SHANK2: variants seen among roughly 807,000 people sequenced by gnomAD.
SHANK2 encodes SH3 and multiple ankyrin repeat domains 2.
SHANK2 carries 43 observed loss-of-function variants against 133.7 expected under a neutral mutation model. The ratio of observed to expected loss-of-function variants is 0.32; its 90% CI spans 0.25 to 0.41. The LOEUF (loss-of-function observed/expected upper bound fraction) is 0.41, where lower values mean the gene tolerates loss of function less well. Ranked by LOEUF, SHANK2 falls within the 10% of genes least tolerant of loss-of-function variation. SHANK2 has a pLI of 1.00. For missense variants in SHANK2, 1,994 were observed against 2,235.8 expected (o/e 0.89, Z 2.18); for synonymous variants, 1,017 against 952.8 (o/e 1.07, Z -1.24).
At chr11:70,772,955 G>A (rs1332957789) in intron 14 of SHANK2, among the ~76,000 whole-genome samples, 2 of 152,140 alleles carry the variant, frequency 1.3e-5, no homozygotes, top group African/African-American at 4.8e-5. Flanking sequence ...TTATTAATCT[G>A]CCTGCTGTCA....
intron 8 of SHANK2, among the ~76,000 whole-genome samples, chr11:71,085,519 T>C (rs1951368025): frequency 8.9e-6 from 1 of 112,484 alleles, no homozygotes; most frequent in Non-Finnish European, 1.7e-5. Flanking sequence ...ATATTATATA[T>C]GCTATATATT....
chr11:71,157,129 T>TAC (rs1321884297), intron 2 of SHANK2, among the ~76,000 whole-genome samples: 110 of 152,154 alleles, frequency 7.2e-4, no homozygotes, highest in African/African-American at 2.6e-3. Context: ...TATATATATA[T>TAC]ATACACACAC....
intron 14 of SHANK2, among the ~76,000 whole-genome samples, chr11:70,759,649 G>C (rs1243343368): frequency 1.3e-5 from 2 of 152,170 alleles, no homozygotes; most frequent in African/African-American, 4.8e-5. Flanking sequence ...GGCAATAAGA[G>C]ACTGGATTGT....
At chr11:70,623,847 A>G (rs1305408211) in intron 17 of SHANK2, among the ~76,000 whole-genome samples, 3 of 152,130 alleles carry the variant, frequency 2.0e-5, no homozygotes, top group Non-Finnish European at 4.4e-5. Flanking sequence ...AAGGAGAGAG[A>G]ATTCAGGGCT....
intron 12 of SHANK2, among the ~76,000 whole-genome samples, chr11:70,819,869 G>A (rs189295206): frequency 1.1e-4 from 16 of 152,222 alleles, no homozygotes; most frequent in African/African-American, 3.1e-4. Context: ...CGGCCTCTCC[G>A]GCCCCCAGCA....
intron 17 of SHANK2, among the ~76,000 whole-genome samples, chr11:70,557,317 T>A (rs1036019849): frequency 6.6e-6 from 1 of 152,060 alleles, no homozygotes; most frequent in Non-Finnish European, 1.5e-5. Context: ...AAACAGATGA[T>A]CACATGTGAG....
intron 11 of SHANK2, among the ~76,000 whole-genome samples, chr11:70,836,661 G>C (rs1392800531): frequency 2.0e-5 from 3 of 152,200 alleles, no homozygotes; most frequent in Non-Finnish European, 4.4e-5. Flanking sequence ...CACACAGAAA[G>C]AACCACTGCA....
chr11:71,167,396 G>A (rs868943641), intron 2 of SHANK2, among the ~76,000 whole-genome samples: 4,759 of 142,658 alleles, frequency 0.033, 61 homozygotes, highest in African/African-American at 0.075. Context: ...CGGACAGGGC[G>A]GCTGGCCGGG....
intron 11 of SHANK2, chr11:70,864,791 TG>T (rs1949326949): frequency 1.3e-5 from 2 of 152,314 alleles, no homozygotes; most frequent in South Asian, 4.1e-4. Flanking sequence ...TTTGGGAGGC[TG>T]AGGTGGGAGG....
intron 14 of SHANK2, chr11:70,705,776 A>G (rs1315291514): frequency 6.6e-6 from 1 of 152,268 alleles, no homozygotes; most frequent in Non-Finnish European, 1.5e-5. Flanking sequence ...GTAGTGCTCC[A>G]CATACATGGA....
intron 11 of SHANK2, among the ~76,000 whole-genome samples, chr11:70,837,975 C>CAAAAA (rs55862093): frequency 7.9e-4 from 20 of 25,172 alleles, no homozygotes; most frequent in South Asian, 2.1e-3. Flanking sequence ...CATTCTGTCT[C>CAAAAA]AAAAAAAAAA....
At chr11:70,760,762 G>A (rs892849023) in intron 14 of SHANK2, among the ~76,000 whole-genome samples, 1 of 152,236 alleles carries the variant, frequency 6.6e-6, no homozygotes, top group Admixed American at 6.5e-5. Flanking sequence ...GCTTCCAGCT[G>A]AAGGCAGTTG....
chr11:70,580,172 C>T (rs1037755134), intron 17 of SHANK2, among the ~76,000 whole-genome samples: 1 of 152,234 alleles, frequency 6.6e-6, no homozygotes, highest in Non-Finnish European at 1.5e-5. Context: ...AAGCCGTGGA[C>T]ATCCACCAGG....
At chr11:70,574,373 G>C (rs977896357) in intron 17 of SHANK2, among the ~76,000 whole-genome samples, 1 of 152,256 alleles carries the variant, frequency 6.6e-6, no homozygotes, top group Non-Finnish European at 1.5e-5. Flanking sequence ...ATCAGGGTAG[G>C]GGGTGGGGGT....
chr11:70,801,349 C>T lies in SHANK2; in HGVS notation c.1664-2793G>A, dbSNP rs537636678. 7.2e-5 allele frequency among the ~76,000 whole-genome samples: 11 copies of T among 152,232 alleles called. No individual in the cohort carries two copies. In the South Asian group the frequency reaches 8.3e-4, roughly 11 times the overall value. On this transcript the variant is annotated intron_variant, in intron 13 of 25. Coordinates refer to ENST00000601538, the MANE Select transcript of SHANK2 (RefSeq NM_012309.5). ...ACACGGGGAGCCTTCATGTCAGGGG[C>T]GTAAAAAGAGCAGGACGTGTGCCGA...
At chr11:70,660,088 C>G in intron 16 of SHANK2, 136 bp from the exon 17 acceptor site, 1 of 1,090,866 alleles carries the variant, frequency 9.2e-7, no homozygotes, top group Non-Finnish European at 1.4e-6. Context: ...CAGGCCAACT[C>G]TCCCCCAGGA....
chr11:71,123,506 T>A (rs1952116645), intron 3 of SHANK2, among the ~76,000 whole-genome samples: 1 of 152,094 alleles, frequency 6.6e-6, no homozygotes, highest in Non-Finnish European at 1.5e-5. Flanking sequence ...GGGCCCATCA[T>A]AAGGAGAGGG....
intron 10 of SHANK2, among the ~76,000 whole-genome samples, chr11:70,953,948 A>C (rs1039342136): frequency 1.3e-5 from 2 of 152,054 alleles, no homozygotes; most frequent in Non-Finnish European, 2.9e-5. Context: ...AGGCACGTGC[A>C]CCTCTAGGAG....
rs115435395 is a variant in SHANK2 at position 70,955,303 on chromosome 11, C to T, written c.1108-58736G>A. 7.5e-3 allele frequency among the ~76,000 whole-genome samples: 1,138 copies of T among 152,164 alleles called. 12 individuals are homozygous for T. The highest frequency in any genetic ancestry group is 0.026 in the African/African-American group (1,087 of 41,512). ...TATACAATGCCAGGTGCTAAAGTCCCTGTATCCAAAAAACAGTGGAAGTCC... is the reference window on the plus strand; with the variant it reads ...TATACAATGCCAGGTGCTAAAGTCCTTGTATCCAAAAAACAGTGGAAGTCC... On this transcript the variant is annotated intron_variant, in intron 10 of 25. Coordinates refer to ENST00000601538, the MANE Select transcript of SHANK2 (RefSeq NM_012309.5).
Sources: allele counts gnomAD v4.1 joint callset (sites outside exome capture counted in the v4.1 genomes callset), GRCh38; gene constraint gnomAD v4.1.1; transcripts MANE v1.5; gene names NCBI Gene and HGNC (gene_info 2026-07-23, HGNC 2026-07-21).